RBFOX3: variants seen among roughly 807,000 people sequenced by gnomAD.
RBFOX3 encodes RNA binding fox-1 homolog 3.
RBFOX3 carries 17 observed loss-of-function variants against 48.7 expected under a neutral mutation model. That is an observed-to-expected ratio of 0.35 (90% CI 0.24 to 0.52). The LOEUF (loss-of-function observed/expected upper bound fraction) is 0.52. RBFOX3 is among the 20% of genes least tolerant of loss of function. The pLI is 0.94. For missense variants in RBFOX3, 382 were observed against 497.5 expected (o/e 0.77, Z 2.21); for synonymous variants, 212 against 209.5 (o/e 1.01, Z -0.10).
At chr17:79,233,830 C>T (rs900990613) in intron 4 of RBFOX3, 20 of 152,244 alleles carry the variant, frequency 1.3e-4, no homozygotes, top group African/African-American at 4.8e-4. Context: ...TGGTCTTGAA[C>T]TCCTGACCTC....
At chr17:79,355,963 T>C (rs2084905689) in intron 2 of RBFOX3, among the ~76,000 whole-genome samples, 1 of 152,246 alleles carries the variant, frequency 6.6e-6, no homozygotes, top group Admixed American at 6.5e-5. Flanking sequence ...TTATGTAATA[T>C]GTGACTTAGG....
chr17:79,280,184 A>C (rs1403418978), intron 3 of RBFOX3, among the ~76,000 whole-genome samples: 2 of 150,958 alleles, frequency 1.3e-5, no homozygotes, highest in Admixed American at 1.3e-4. Flanking sequence ...TCACACACAC[A>C]TGCACACTTA....
chr17:79,489,175 G>A (rs1039251945), intron 1 of RBFOX3, among the ~76,000 whole-genome samples: 4 of 146,200 alleles, frequency 2.7e-5, no homozygotes, highest in African/African-American at 7.7e-5. Context: ...CCCAAACTAC[G>A]CCTTTGCTGG....
intron 4 of RBFOX3, among the ~76,000 whole-genome samples, chr17:79,225,614 A>G (rs200673785): frequency 2.0e-5 from 3 of 151,976 alleles, no homozygotes; most frequent in African/African-American, 7.3e-5. Flanking sequence ...GTAAGTGCTC[A>G]GCTGCTGGAT....
intron 1 of RBFOX3, among the ~76,000 whole-genome samples, chr17:79,530,689 G>A (rs1423977745): frequency 6.6e-6 from 1 of 152,098 alleles, no homozygotes. Context: ...CAGCCCTCGG[G>A]TGCCTGCAAT....
chr17:79,633,618 C>T, the RBFOX3 span, among the ~76,000 whole-genome samples: 1 of 151,868 alleles, frequency 6.6e-6, no homozygotes, highest in Admixed American at 6.5e-5. Flanking sequence ...TTAACTGTAA[C>T]GGATTCTGTG....
chr17:79,495,259 G>T (rs2081266951), intron 1 of RBFOX3, among the ~76,000 whole-genome samples: 1 of 138,500 alleles, frequency 7.2e-6, no homozygotes, highest in East Asian at 2.2e-4. Flanking sequence ...CCTCCTGAAG[G>T]GGGGAAGGGA....
chr17:79,245,533 C>T (rs994415457), intron 3 of RBFOX3, among the ~76,000 whole-genome samples: 12 of 148,396 alleles, frequency 8.1e-5, no homozygotes, highest in South Asian at 2.1e-4. Flanking sequence ...CCATTCCCAC[C>T]GCTCACCCCC....
chr17:79,159,519 C>A (rs992622583), intron 4 of RBFOX3, among the ~76,000 whole-genome samples: 2 of 152,144 alleles, frequency 1.3e-5, no homozygotes, highest in African/African-American at 4.8e-5. Flanking sequence ...TCCTGGAACA[C>A]CCCTGCATTC....
intron 3 of RBFOX3, among the ~76,000 whole-genome samples, chr17:79,268,218 G>A (rs1266951872): frequency 6.6e-6 from 1 of 152,182 alleles, no homozygotes; most frequent in Non-Finnish European, 1.5e-5. Context: ...GGACTGGCGG[G>A]TTGCAGACCA....
intron 2 of RBFOX3, among the ~76,000 whole-genome samples, chr17:79,346,142 C>T (rs1403178224): frequency 3.3e-5 from 5 of 152,094 alleles, no homozygotes; most frequent in Non-Finnish European, 5.9e-5. Context: ...AGGCTGGTCT[C>T]GAACTCCTGA....
At position 79,242,843 on chromosome 17, in the gene RBFOX3, C is replaced by T. The variant is rs920082754; in HGVS notation, c.-73-7038G>A. Among the ~76,000 whole-genome samples the T allele has an allele frequency of 3.0e-4, 45 of 152,144 alleles. No individual in the cohort carries two copies. The highest frequency in any genetic ancestry group is 1.2e-4 in the Non-Finnish European group (8 of 68,008). ...AGTTTTGCCTCCTCTCCCAGGAAGC[C>T]CGGGCAGGGCTCCACAGCAACCTGC... On this transcript the variant is annotated intron_variant, in intron 3 of 14. Transcript: ENST00000693108. The surrounding 1 kb of genome is among the most constrained non-coding windows in gnomAD (Gnocchi z 5.8).
intron 4 of RBFOX3, among the ~76,000 whole-genome samples, chr17:79,119,498 G>T (rs1302896729): frequency 1.3e-5 from 2 of 152,168 alleles, no homozygotes; most frequent in Non-Finnish European, 2.9e-5. Context: ...ACATGGAATT[G>T]TAGCCCTGCC....
chr17:79,468,284 G>A (rs2076575377), intron 2 of RBFOX3, among the ~76,000 whole-genome samples: 1 of 152,166 alleles, frequency 6.6e-6, no homozygotes, highest in Admixed American at 6.5e-5. Context: ...TACCTGCATA[G>A]ATGGATAATA....
intron 4 of RBFOX3, among the ~76,000 whole-genome samples, chr17:79,196,656 A>G (rs1461278861): frequency 3.3e-5 from 5 of 152,096 alleles, no homozygotes; most frequent in Admixed American, 3.3e-4. Context: ...ACCCGGATGG[A>G]CTGCACTTGC....
the RBFOX3 span, among the ~76,000 whole-genome samples, chr17:79,633,134 G>A: frequency 6.6e-6 from 1 of 152,186 alleles, no homozygotes; most frequent in East Asian, 1.9e-4. Flanking sequence ...CAGTGTTCAC[G>A]GGGCCATGAC....
chr17:79,434,535 G>A (rs2069044638), intron 2 of RBFOX3, among the ~76,000 whole-genome samples: 1 of 152,130 alleles, frequency 6.6e-6, no homozygotes, highest in Non-Finnish European at 1.5e-5. Context: ...TTTATCCTAT[G>A]ACAGCATAAA....
chr17:79,627,099 A>C, the RBFOX3 span, among the ~76,000 whole-genome samples: 1 of 152,220 alleles, frequency 6.6e-6, no homozygotes, highest in Non-Finnish European at 1.5e-5. Context: ...CAACAGCCAC[A>C]CACGGAGGTG....
At chr17:79,141,113 G>A (rs2041829585) in intron 4 of RBFOX3, among the ~76,000 whole-genome samples, 2 of 152,236 alleles carry the variant, frequency 1.3e-5, no homozygotes, top group African/African-American at 2.4e-5. Flanking sequence ...GGGATGCACC[G>A]TGGCTCACGC....
Sources: allele counts gnomAD v4.1 joint callset (sites outside exome capture counted in the v4.1 genomes callset), GRCh38; gene constraint gnomAD v4.1.1; non-coding constraint Gnocchi (gnomAD v3.1); transcripts MANE v1.5; gene names NCBI Gene and HGNC (gene_info 2026-07-23, HGNC 2026-07-21).